Variants in RORA observed in about 807,000 individuals in gnomAD.
RORA encodes RAR related orphan receptor A, also known as nuclear receptor ROR-alpha.
A neutral mutation model predicts 69.5 loss-of-function variants in RORA; 7 were observed. The ratio of observed to expected loss-of-function variants is 0.10; its 90% CI spans 0.06 to 0.19. The LOEUF is 0.19. Among genes scored for constraint, RORA ranks in the 10% least tolerant of loss-of-function variants. The pLI is 1.00. For missense variants in RORA, 457 were observed against 663.0 expected, an observed-to-expected ratio of 0.69 and a Z score of 3.41; for synonymous variants, 261 against 240.8, an observed-to-expected ratio of 1.08 and a Z score of -0.78.
intron 1 of RORA, among the ~76,000 whole-genome samples, chr15:60,918,961 C>T (rs8028648): frequency 0.34 from 51,241 of 152,092 alleles, 9,119 homozygotes; most frequent in Non-Finnish European, 0.41. Flanking sequence ...ACTGCCTGTC[C>T]TCTGCTCTGT....
chr15:60,799,152 T>TGA (rs2072543558), intron 1 of RORA, among the ~76,000 whole-genome samples: 1 of 152,162 alleles, frequency 6.6e-6, no homozygotes, highest in African/African-American at 2.4e-5. Flanking sequence ...AGACTCTCTA[T>TGA]CTCTCTTTGA....
chr15:60,876,537 G>A (rs7169011), intron 1 of RORA, among the ~76,000 whole-genome samples: 2,153 of 152,096 alleles, frequency 0.014, 44 homozygotes, highest in African/African-American at 0.049. Flanking sequence ...TAAAACCTTC[G>A]TTATCACATC....
chr15:61,123,304 G>A (rs1008643045), intron 1 of RORA, among the ~76,000 whole-genome samples: 7 of 152,106 alleles, frequency 4.6e-5, no homozygotes, highest in African/African-American at 1.4e-4. Context: ...GGGGAGCAGG[G>A]AAGGGGATGG....
chr15:60,571,856 C>T (rs2067892376), intron 2 of RORA, among the ~76,000 whole-genome samples: 1 of 152,058 alleles, frequency 6.6e-6, no homozygotes. Flanking sequence ...GAATGTTAGG[C>T]CAACACATAA....
intron 2 of RORA, among the ~76,000 whole-genome samples, chr15:60,539,601 A>G (rs922822622): frequency 6.6e-6 from 1 of 152,206 alleles, no homozygotes; most frequent in African/African-American, 2.4e-5. Context: ...CCTTGAGTGA[A>G]AGACCTGAAC....
chr15:60,959,752 C>T (rs556175842), intron 1 of RORA, among the ~76,000 whole-genome samples: 7 of 152,220 alleles, frequency 4.6e-5, no homozygotes, highest in South Asian at 2.1e-4. Context: ...GAAAAAACAC[C>T]GGATTAAATG....
chr15:60,621,744 C>T (rs1308504476), intron 2 of RORA, among the ~76,000 whole-genome samples: 2 of 151,976 alleles, frequency 1.3e-5, no homozygotes, highest in East Asian at 1.9e-4. Flanking sequence ...GAAATCTACA[C>T]TGAAAAAGAG....
At chr15:61,002,596 ACC>A (rs1344382452) in intron 1 of RORA, among the ~76,000 whole-genome samples, 1 of 152,176 alleles carries the variant, frequency 6.6e-6, no homozygotes, top group East Asian at 1.9e-4. Flanking sequence ...AATGCAGCCT[ACC>A]TTTAATTTAG....
At chr15:60,945,783 C>T (rs185255657) in intron 1 of RORA, among the ~76,000 whole-genome samples, 3 of 152,296 alleles carry the variant, frequency 2.0e-5, no homozygotes, top group Non-Finnish European at 2.9e-5. Flanking sequence ...GACCTGAAAT[C>T]GAGAGGTCAC....
chr15:60,659,164 C>G (rs1199981803), intron 2 of RORA, among the ~76,000 whole-genome samples: 1 of 152,206 alleles, frequency 6.6e-6, no homozygotes, highest in East Asian at 1.9e-4. Context: ...ATCTGACACT[C>G]AGTCACTGGT....
At chr15:61,018,846 C>T (rs1052635579) in intron 1 of RORA, among the ~76,000 whole-genome samples, 29 of 152,174 alleles carry the variant, frequency 1.9e-4, no homozygotes, top group Admixed American at 5.9e-4. Context: ...ATGTCTATCT[C>T]TGCCAAGGCA....
At chr15:60,605,439 A>G (rs933847675) in intron 2 of RORA, among the ~76,000 whole-genome samples, 2 of 152,232 alleles carry the variant, frequency 1.3e-5, no homozygotes, top group African/African-American at 4.8e-5. Context: ...TAATTTTAAT[A>G]AAATTATGTC....
chr15:60,620,438 G>A, intron 2 of RORA, among the ~76,000 whole-genome samples: 1 of 152,172 alleles, frequency 6.6e-6, no homozygotes, highest in Non-Finnish European at 1.5e-5. Flanking sequence ...TAAGTGGTTA[G>A]AACAGTGTCT....
At chr15:60,762,382 T>C (rs1245399354) in intron 1 of RORA, among the ~76,000 whole-genome samples, 2 of 152,206 alleles carry the variant, frequency 1.3e-5, no homozygotes, top group Non-Finnish European at 2.9e-5. Flanking sequence ...AAGGTTATGG[T>C]ATCAGATGTG....
chr15:61,033,082 G>T (rs1896258081), intron 1 of RORA, among the ~76,000 whole-genome samples: 1 of 152,142 alleles, frequency 6.6e-6, no homozygotes. Flanking sequence ...TCACCCAGCT[G>T]TTCAAACCAA....
intron 1 of RORA, among the ~76,000 whole-genome samples, chr15:60,973,631 T>C (rs1893790815): frequency 6.6e-6 from 1 of 152,190 alleles, no homozygotes; most frequent in African/African-American, 2.4e-5. Context: ...ATCCCAGCTG[T>C]TAACATTATT....
intron 1 of RORA, among the ~76,000 whole-genome samples, chr15:60,758,076 A>C (rs150343341): frequency 1.3e-5 from 2 of 152,214 alleles, no homozygotes; most frequent in South Asian, 2.1e-4. Context: ...GCTTTCTTTG[A>C]CCTATATGTC....
rs2064985927 is a variant in RORA, at chr15:60,488,416, T to G, written c.*9039A>C. Reference sequence around the variant, plus strand: ...AGTTTCTAAGTACAATATAACAACATTCATATTAGAATGAAAATTGGAGTA... The same window carrying G: ...AGTTTCTAAGTACAATATAACAACAGTCATATTAGAATGAAAATTGGAGTA... On this transcript the variant is annotated 3_prime_UTR_variant, in exon 11 of 11. Coordinates refer to ENST00000335670, the MANE Select transcript of RORA (RefSeq NM_134261.3). The G allele has an allele frequency of 6.6e-6, 1 of 152,218 alleles. No homozygotes were observed. Among genetic ancestry groups the G allele is most frequent in the Non-Finnish European group, 1.5e-5 (1 of 68,030 alleles). 9.4% of individuals were successfully genotyped at this position (152,218 alleles called of 1,614,324 possible). A position where few individuals can be genotyped will look rare whatever the true frequency, so the allele number is the denominator to read the frequency against.
chr15:60,600,368 A>C (rs1170412478), intron 2 of RORA, among the ~76,000 whole-genome samples: 1 of 152,188 alleles, frequency 6.6e-6, no homozygotes, highest in Non-Finnish European at 1.5e-5. Flanking sequence ...CTGCATTATG[A>C]AATACTCATT....
Sources: allele counts gnomAD v4.1 joint callset (sites outside exome capture counted in the v4.1 genomes callset), GRCh38; gene constraint gnomAD v4.1.1; transcripts MANE v1.5; gene names NCBI Gene and HGNC (gene_info 2026-07-23, HGNC 2026-07-21).